TCAIM: variants seen among roughly 807,000 people sequenced by gnomAD.
TCAIM encodes the protein T cell activation inhibitor, mitochondrial.
TCAIM carries 36 observed loss-of-function variants against 58.6 expected under a neutral mutation model. That is an observed-to-expected ratio of 0.61 (90% CI 0.47 to 0.81). The LOEUF (loss-of-function observed/expected upper bound fraction) is 0.81, where lower values mean the gene tolerates loss of function less well. Ranked by LOEUF, TCAIM falls within the 30% of genes least tolerant of loss-of-function variation. The pLI, the probability that TCAIM is intolerant of heterozygous loss-of-function variation, is 0.00. For synonymous variants in TCAIM, 172 were observed against 193.6 expected, an observed-to-expected ratio of 0.89 and a Z score of 0.93; for missense variants, 466 against 579.6, an observed-to-expected ratio of 0.80 and a Z score of 2.01.
chr3:44,352,416 C>G (rs1022275091), intron 1 of TCAIM, among the ~76,000 whole-genome samples: 5 of 152,130 alleles, frequency 3.3e-5, no homozygotes, highest in African/African-American at 4.8e-5. Flanking sequence ...TGGAAAAGTT[C>G]ATGTGATTCA....
chr3:44,389,822 A>G (rs1409074314), intron 5 of TCAIM, among the ~76,000 whole-genome samples: 1 of 151,410 alleles, frequency 6.6e-6, no homozygotes, highest in Non-Finnish European at 1.5e-5. Flanking sequence ...AAGACCCTTC[A>G]TAGTCTGACC....
intron 5 of TCAIM, among the ~76,000 whole-genome samples, chr3:44,368,108 G>T (rs1223543994): frequency 6.6e-6 from 1 of 152,150 alleles, no homozygotes; most frequent in East Asian, 1.9e-4. Flanking sequence ...GGATAGTTCA[G>T]TAGTGATGTA....
At chr3:44,373,438 G>A (rs1362723006) in intron 5 of TCAIM, among the ~76,000 whole-genome samples, 2 of 151,838 alleles carry the variant, frequency 1.3e-5, no homozygotes, top group African/African-American at 4.8e-5. Flanking sequence ...AGCTGAGGTG[G>A]GCAGATCACT....
At chr3:44,350,042 T>C (rs1029553227) in intron 1 of TCAIM, among the ~76,000 whole-genome samples, 1 of 152,136 alleles carries the variant, frequency 6.6e-6, no homozygotes, top group Non-Finnish European at 1.5e-5. Context: ...TGTGCGTCTG[T>C]GTGAAGAGAC....
chr3:44,347,288 T>C (rs1334588386), intron 1 of TCAIM, among the ~76,000 whole-genome samples: 1 of 152,134 alleles, frequency 6.6e-6, no homozygotes, highest in African/African-American at 2.4e-5. Context: ...AGGGGCTATA[T>C]AGTAGAAGGT....
intron 5 of TCAIM, among the ~76,000 whole-genome samples, chr3:44,383,779 C>T (rs1575266857): frequency 8.7e-6 from 1 of 114,342 alleles, no homozygotes. Flanking sequence ...TCAAGATCAG[C>T]ATGGGCAACA....
intron 5 of TCAIM, among the ~76,000 whole-genome samples, chr3:44,386,311 C>CA (rs1701741575): frequency 6.6e-6 from 1 of 151,656 alleles, no homozygotes; most frequent in Admixed American, 6.6e-5. Context: ...CCCAGGAGTT[C>CA]AAAGTTACAG....
chr3:44,378,796 CAA>C (rs777858437), intron 5 of TCAIM, among the ~76,000 whole-genome samples: 6 of 121,608 alleles, frequency 4.9e-5, no homozygotes, highest in African/African-American at 5.9e-5. Context: ...GACTCTGTCT[CAA>C]AAAAAAAAAA....
chr3:44,399,068 C>T (rs1701983481), intron 8 of TCAIM, among the ~76,000 whole-genome samples: 1 of 151,868 alleles, frequency 6.6e-6, no homozygotes, highest in South Asian at 2.1e-4. Flanking sequence ...GATGGAACTC[C>T]TGTGTGTTTT....
intron 9 of TCAIM, 48 bp from the exon 10 acceptor site, chr3:44,401,155 G>T (rs775082650): frequency 6.3e-7 from 1 of 1,596,950 alleles, no homozygotes; most frequent in South Asian, 1.1e-5. Flanking sequence ...TCTGGTGGGG[G>T]AGAGGAGAGG....
intron 1 of TCAIM, among the ~76,000 whole-genome samples, chr3:44,351,189 A>G (rs2125628636): frequency 6.6e-6 from 1 of 152,184 alleles, no homozygotes; most frequent in African/African-American, 2.4e-5. Context: ...GGGTTTCTCC[A>G]TGTTGGCCAG....
chr3:44,364,083 A>G (rs1357658997), intron 4 of TCAIM, among the ~76,000 whole-genome samples: 1 of 151,524 alleles, frequency 6.6e-6, no homozygotes, highest in Non-Finnish European at 1.5e-5. Context: ...CAAGCGCCAC[A>G]ATGCCCAGCT....
chr3:44,356,980 C>CAAAAAAAAAAA (rs1016569841), intron 2 of TCAIM, among the ~76,000 whole-genome samples: 5 of 142,072 alleles, frequency 3.5e-5, no homozygotes, highest in Admixed American at 1.4e-4. Context: ...GACTCCATCT[C>CAAAAAAAAAAA]AAAAAAAAAG....
chr3:44,388,862 C>G (rs1344798982), intron 5 of TCAIM, among the ~76,000 whole-genome samples: 1 of 152,172 alleles, frequency 6.6e-6, no homozygotes, highest in African/African-American at 2.4e-5. Flanking sequence ...AAGTTTGATT[C>G]AGCAGTTTTG....
At chr3:44,356,824 A>AAAC (rs1559563318) in intron 2 of TCAIM, among the ~76,000 whole-genome samples, 1 of 149,726 alleles carries the variant, frequency 6.7e-6, no homozygotes, top group African/African-American at 2.5e-5. Flanking sequence ...AAAAAAAAAA[A>AAAC]AAACAGTCGG....
At chr3:44,352,984 C>T (rs753810101) in intron 1 of TCAIM, among the ~76,000 whole-genome samples, 6 of 146,004 alleles carry the variant, frequency 4.1e-5, no homozygotes, top group African/African-American at 1.3e-4. Context: ...TGCAAAGACG[C>T]GATCTCGGCT....
intron 1 of TCAIM, among the ~76,000 whole-genome samples, chr3:44,354,389 C>G (rs1284708607): frequency 6.6e-6 from 1 of 152,162 alleles, no homozygotes; most frequent in African/African-American, 2.4e-5. Context: ...GTTGGCTACT[C>G]TCTGGGTCTT....
intron 5 of TCAIM, among the ~76,000 whole-genome samples, chr3:44,379,115 C>A (rs1701614350): frequency 6.6e-6 from 1 of 150,904 alleles, no homozygotes; most frequent in African/African-American, 2.4e-5. Context: ...GGGTGGGGTG[C>A]ATGCAGAGAT....
At chr3:44,362,658 TA>T (rs367760917) in intron 4 of TCAIM, 5 of 366,118 alleles carry the variant, frequency 1.4e-5, no homozygotes, top group African/African-American at 1.0e-4. Flanking sequence ...TATTTAAAGA[TA>T]GAAAGTCAAT....
Sources: gnomAD v4.1 joint callset for allele counts (sites outside exome capture counted in the v4.1 genomes callset) on GRCh38, gnomAD v4.1.1 for gene constraint, MANE v1.5 for transcripts, NCBI Gene and HGNC (gene_info 2026-07-23, HGNC 2026-07-21) for gene names.